CDH23: variants seen among roughly 807,000 people sequenced by gnomAD.
CDH23 encodes the protein cadherin-23.
Under a neutral mutation model 317.1 loss-of-function variants are expected in CDH23, and 189 were observed. The ratio of observed to expected loss-of-function variants is 0.60; its 90% CI spans 0.53 to 0.67. CDH23 has a LOEUF of 0.67. Ranked by LOEUF, CDH23 falls within the 30% of genes least tolerant of loss-of-function variation. CDH23 has a pLI of 0.00. For synonymous variants in CDH23, 1,839 were observed against 1,876.8 expected (o/e 0.98, Z 0.52); for missense variants, 4,401 against 4,592.4 (o/e 0.96, Z 1.20).
At chr10:71,573,261 G>A (rs1448048395) in intron 8 of CDH23, among the ~76,000 whole-genome samples, 29 of 152,234 alleles carry the variant, frequency 1.9e-4, no homozygotes. Flanking sequence ...TAGTTGGCAA[G>A]AGGTGTGTTC....
chr10:71,595,719 T>C (rs981109195), intron 9 of CDH23, among the ~76,000 whole-genome samples: 1 of 152,142 alleles, frequency 6.6e-6, no homozygotes, highest in East Asian at 1.9e-4. Context: ...GACAACGCTC[T>C]GCGGGAGTCA....
intron 14 of CDH23, among the ~76,000 whole-genome samples, chr10:71,664,651 G>T (rs988452870): frequency 3.3e-5 from 5 of 152,222 alleles, no homozygotes; most frequent in African/African-American, 1.2e-4. Context: ...CTGTGTGCTG[G>T]GCACAGAGCT....
At chr10:71,619,018 C>T (rs909479049) in intron 11 of CDH23, among the ~76,000 whole-genome samples, 1 of 152,154 alleles carries the variant, frequency 6.6e-6, no homozygotes, top group African/African-American at 2.4e-5. Context: ...TGTGTTGATA[C>T]AAATACAGTA....
chr10:71,620,276 G>T (rs890695271), intron 11 of CDH23, among the ~76,000 whole-genome samples: 1 of 152,130 alleles, frequency 6.6e-6, no homozygotes, highest in Non-Finnish European at 1.5e-5. Flanking sequence ...GGAAGGTGCC[G>T]AGTAGTTGTC....
rs28693535 is a variant in CDH23, at chr10:71,615,660, C to T, written c.945+44C>T. 3.5e-4 allele frequency: 487 copies of T among 1,402,774 alleles called. 8 individuals are homozygous for T. In the East Asian group the frequency reaches 9.1e-3, roughly 26 times the overall value. 86.9% of individuals were successfully genotyped at this position (1,402,774 alleles called of 1,614,324 possible). On this transcript the variant is annotated intron_variant, in intron 10 of 69. Coordinates refer to ENST00000224721, the MANE Select transcript of CDH23 (RefSeq NM_022124.6). ...CCTTCACCCCAGGTAGAGGAGATGC[C>T]CCTACTCGGATGCCAACCTCCAGCA...
intron 24 of CDH23, among the ~76,000 whole-genome samples, chr10:71,704,311 T>C (rs1380466390): frequency 5.9e-5 from 9 of 152,148 alleles, no homozygotes; most frequent in South Asian, 4.1e-4. Context: ...AGTCGGGCAA[T>C]CTGATCAGGA....
chr10:71,454,669 G>C (rs1028593657), intron 3 of CDH23, among the ~76,000 whole-genome samples: 2 of 152,088 alleles, frequency 1.3e-5, no homozygotes, highest in African/African-American at 4.8e-5. Context: ...GCCCCTCCCA[G>C]CTACACCCAA....
chr10:71,511,084 G>C (rs1431276313), intron 5 of CDH23, 36 bp from the exon 6 acceptor site: 1 of 1,611,898 alleles, frequency 6.2e-7, no homozygotes, highest in Non-Finnish European at 8.5e-7. Flanking sequence ...GCCAGAGTCA[G>C]GTGGCGGCGC....
intron 7 of CDH23, among the ~76,000 whole-genome samples, chr10:71,569,529 A>G (rs1331740459): frequency 1.3e-5 from 2 of 152,248 alleles, no homozygotes; most frequent in Admixed American, 1.3e-4. Flanking sequence ...CCCAGGGGGA[A>G]AAAGAACTCA....
chr10:71,667,567 G>A (rs1047632219), intron 14 of CDH23, among the ~76,000 whole-genome samples: 1 of 152,018 alleles, frequency 6.6e-6, no homozygotes, highest in Non-Finnish European at 1.5e-5. Context: ...GGGGTTGTGT[G>A]TGGTGCGTGC....
chr10:71,452,350 C>T (rs532170154), intron 3 of CDH23, among the ~76,000 whole-genome samples: 1 of 152,190 alleles, frequency 6.6e-6, no homozygotes. Flanking sequence ...CCGCCCGCAG[C>T]CAGAAGCCTC....
At chr10:71,550,974 C>T (rs189109942) in intron 6 of CDH23, among the ~76,000 whole-genome samples, 111 of 152,344 alleles carry the variant, frequency 7.3e-4, no homozygotes, top group African/African-American at 2.5e-3. Context: ...AAGGCTTCCT[C>T]GCAGCAGAAA....
chr10:71,533,525 C>CCCCCCCCCCA (rs1249775933), intron 6 of CDH23, among the ~76,000 whole-genome samples: 8 of 130,752 alleles, frequency 6.1e-5, no homozygotes, highest in African/African-American at 2.4e-4. Context: ...TGGCTGGACA[C>CCCCCCCCCCA]CACACACACA....
intron 3 of CDH23, among the ~76,000 whole-genome samples, chr10:71,504,900 C>T (rs1365018086): frequency 6.6e-6 from 1 of 152,224 alleles, no homozygotes; most frequent in Non-Finnish European, 1.5e-5. Context: ...TACAGGACTT[C>T]TAACCTGGCT....
At chr10:71,548,453 T>A (rs1391425026) in intron 6 of CDH23, among the ~76,000 whole-genome samples, 1 of 151,856 alleles carries the variant, frequency 6.6e-6, no homozygotes, top group African/African-American at 2.4e-5. Flanking sequence ...AGGCACCAGC[T>A]CTCCTCCAAG....
intron 28 of CDH23, among the ~76,000 whole-genome samples, chr10:71,723,119 A>G (rs542150920): frequency 1.3e-5 from 2 of 152,288 alleles, no homozygotes; most frequent in South Asian, 4.1e-4. Context: ...TGGTGAGACA[A>G]GAAGGGGCAG....
intron 25 of CDH23, 32 bp downstream of exon 25, chr10:71,705,162 T>TGAGCACA: frequency 6.4e-7 from 1 of 1,571,422 alleles, no homozygotes; most frequent in Non-Finnish European, 8.7e-7. Context: ...TGCTGTGTGC[T>TGAGCACA]CAGTGTGTGG....
intron 26 of CDH23, chr10:71,707,505 C>A: frequency 9.4e-7 from 1 of 1,067,882 alleles, no homozygotes; most frequent in Non-Finnish European, 1.1e-6. Context: ...GGTTTTAGCT[C>A]AAAAATGTTG....
intron 35 of CDH23, 94 bp from the exon 36 acceptor site, chr10:71,739,550 C>A: frequency 6.8e-7 from 1 of 1,477,026 alleles, no homozygotes; most frequent in Non-Finnish European, 9.1e-7. Context: ...AGAGGGCCCA[C>A]GTGGGCAGAG....
Sources: allele counts gnomAD v4.1 joint callset (sites outside exome capture counted in the v4.1 genomes callset), GRCh38; gene constraint gnomAD v4.1.1; transcripts MANE v1.5; gene names NCBI Gene and HGNC (gene_info 2026-07-23, HGNC 2026-07-21).